MEIKIN: variants seen among roughly 807,000 people sequenced by gnomAD.
MEIKIN encodes the protein meiosis-specific kinetochore protein.
At chr5:131,875,705 G>T (rs1750599884) in intron 9 of MEIKIN, among the ~76,000 whole-genome samples, 1 of 152,130 alleles carries the variant, frequency 6.6e-6, no homozygotes, top group Admixed American at 6.6e-5. Context: ...TAAGCCAAAA[G>T]AACAAAGCTG....
chr5:131,808,874 G>T (rs558579983), intron 12 of MEIKIN, among the ~76,000 whole-genome samples: 1 of 152,138 alleles, frequency 6.6e-6, no homozygotes, highest in Non-Finnish European at 1.5e-5. Context: ...CCAGGAGTAC[G>T]AGATCAGCCT....
At chr5:131,813,937 G>A (rs1430957181) in intron 12 of MEIKIN, among the ~76,000 whole-genome samples, 2 of 152,134 alleles carry the variant, frequency 1.3e-5, no homozygotes, top group Non-Finnish European at 2.9e-5. Context: ...AAGCCAGTCC[G>A]AGTCCCAAAG....
chr5:131,852,534 CA>C (rs1203247048), intron 10 of MEIKIN, among the ~76,000 whole-genome samples: 8 of 152,066 alleles, frequency 5.3e-5, no homozygotes, highest in Non-Finnish European at 1.0e-4. Flanking sequence ...ATTTTTAAAA[CA>C]TTATGCTAAG....
intron 10 of MEIKIN, among the ~76,000 whole-genome samples, chr5:131,851,814 G>C (rs1750119821): frequency 6.6e-6 from 1 of 152,140 alleles, no homozygotes; most frequent in Admixed American, 6.6e-5. Context: ...GATGATTTAA[G>C]GTGTGCAGGA....
At chr5:131,833,548 C>T (rs1200102652) in intron 11 of MEIKIN, among the ~76,000 whole-genome samples, 1 of 152,218 alleles carries the variant, frequency 6.6e-6, no homozygotes, top group Non-Finnish European at 1.5e-5. Flanking sequence ...AACAGTTCCA[C>T]ATGGCTTGGG....
intron 7 of MEIKIN, among the ~76,000 whole-genome samples, chr5:131,915,432 C>T (rs954049756): frequency 3.9e-5 from 6 of 152,184 alleles, no homozygotes; most frequent in Non-Finnish European, 7.3e-5. Flanking sequence ...CAGATCCCAA[C>T]CTTACCCTTT....
At chr5:131,848,779 C>A (rs1750061271) in intron 11 of MEIKIN, among the ~76,000 whole-genome samples, 2 of 152,140 alleles carry the variant, frequency 1.3e-5, no homozygotes, top group South Asian at 4.1e-4. Flanking sequence ...CAACAAATTA[C>A]TAGCAAACCA....
At chr5:131,854,607 T>C (rs1750164709) in intron 10 of MEIKIN, 147 bp downstream of exon 10, 1 of 387,172 alleles carries the variant, frequency 2.6e-6, no homozygotes, top group Admixed American at 4.4e-5. Context: ...GTATACAAAG[T>C]ACTTTCATTG....
chr5:131,824,024 A>C (rs1035612554), intron 11 of MEIKIN, among the ~76,000 whole-genome samples: 3 of 152,106 alleles, frequency 2.0e-5, no homozygotes, highest in Non-Finnish European at 2.9e-5. Context: ...TGGAATCTCT[A>C]TCTCTCTTTG....
chr5:131,880,092 A>C (rs1319679812), intron 8 of MEIKIN, among the ~76,000 whole-genome samples: 1 of 148,390 alleles, frequency 6.7e-6, no homozygotes, highest in Non-Finnish European at 1.5e-5. Context: ...GCTAATATAT[A>C]TACAATTTTT....
At chr5:131,893,719 G>A (rs979393842) in intron 8 of MEIKIN, among the ~76,000 whole-genome samples, 4 of 152,126 alleles carry the variant, frequency 2.6e-5, no homozygotes, top group African/African-American at 4.8e-5. Context: ...GTTCCTATTC[G>A]GCCATCTTGG....
chr5:131,870,217 A>G (rs1750462390), intron 9 of MEIKIN, among the ~76,000 whole-genome samples: 1 of 152,188 alleles, frequency 6.6e-6, no homozygotes, highest in African/African-American at 2.4e-5. Flanking sequence ...AATAATTAAT[A>G]TTTTTAATGT....
At chr5:131,900,484 C>T (rs1006720651) in intron 8 of MEIKIN, among the ~76,000 whole-genome samples, 1 of 152,070 alleles carries the variant, frequency 6.6e-6, no homozygotes, top group Non-Finnish European at 1.5e-5. Context: ...TCATGACCCC[C>T]ACAGACACTT....
intron 11 of MEIKIN, among the ~76,000 whole-genome samples, chr5:131,834,532 C>T (rs1001794887): frequency 6.6e-6 from 1 of 152,166 alleles, no homozygotes; most frequent in Admixed American, 6.6e-5. Flanking sequence ...CTACTCTCTG[C>T]TTCTGTGTGA....
chr5:131,834,988 T>C (rs1749776786), intron 11 of MEIKIN, among the ~76,000 whole-genome samples: 2 of 152,144 alleles, frequency 1.3e-5, no homozygotes, highest in Admixed American at 1.3e-4. Flanking sequence ...AATAAGCAAT[T>C]CTAACAGGTA....
intron 11 of MEIKIN, among the ~76,000 whole-genome samples, chr5:131,844,191 C>T (rs761315225): frequency 2.6e-5 from 4 of 152,170 alleles, no homozygotes; most frequent in Non-Finnish European, 5.9e-5. Flanking sequence ...TCACCTCCCA[C>T]TAGATCCCTC....
rs1177133444 is a variant in MEIKIN, at chr5:131,855,195, C to T, written c.775-361G>A. Among the ~76,000 whole-genome samples, 16 of 152,114 alleles carry T rather than the reference C, an allele frequency of 1.1e-4. 1 individual carries two copies. Among genetic ancestry groups the T allele is most frequent in the Admixed American group, 1.0e-3 (16 of 15,260 alleles). The stretch of plus-strand genomic sequence containing the variant: ...GTTAACTACTAAGAAAGGTATTTTA[C>T]TTTCAGCATTTAATTCTTAGTATAT... On this transcript the variant is annotated intron_variant, in intron 9 of 12. Transcript: ENST00000442687.
intron 8 of MEIKIN, among the ~76,000 whole-genome samples, chr5:131,893,730 G>T (rs542579858): frequency 4.7e-4 from 71 of 152,148 alleles, no homozygotes; most frequent in African/African-American, 1.7e-3. Context: ...GCCATCTTGG[G>T]TCCACTCCAT....
At chr5:131,857,111 CT>C (rs1048544935) in intron 9 of MEIKIN, among the ~76,000 whole-genome samples, 6 of 151,998 alleles carry the variant, frequency 3.9e-5, no homozygotes, top group African/African-American at 4.8e-5. Context: ...GGAACCTTGA[CT>C]TTTAGATAAT....
Sources: gnomAD v4.1 joint callset for allele counts (sites outside exome capture counted in the v4.1 genomes callset) on GRCh38, gnomAD v4.1.1 for gene constraint, MANE v1.5 for transcripts, NCBI Gene and HGNC (gene_info 2026-07-23, HGNC 2026-07-21) for gene names.